BCL2: variants seen among roughly 807,000 people sequenced by gnomAD.
BCL2 encodes BCL2 apoptosis regulator, also known as apoptosis regulator Bcl-2.
In BCL2, 1 loss-of-function variant was observed where a neutral mutation model predicts 14.2. The ratio of observed to expected loss-of-function variants is 0.07; its 90% CI spans 0.02 to 0.33. BCL2 has a LOEUF of 0.33. BCL2 is among the 10% of genes least tolerant of loss of function. The pLI, the probability that BCL2 is intolerant of heterozygous loss-of-function variation, is 0.99. For synonymous variants in BCL2, 151 were observed against 137.2 expected (o/e 1.10, Z -0.70); for missense variants, 247 against 305.9 (o/e 0.81, Z 1.44).
intron 2 of BCL2, among the ~76,000 whole-genome samples, chr18:63,171,907 GGGGTTTGA>G (rs1568223674): frequency 6.6e-6 from 1 of 152,196 alleles, no homozygotes; most frequent in East Asian, 1.9e-4. Context: ...CTTGAGTCCA[GGGGTTTGA>G]GGCTGCAGTG....
At chr18:63,262,872 T>G (rs1911700795) in intron 2 of BCL2, among the ~76,000 whole-genome samples, 1 of 152,232 alleles carries the variant, frequency 6.6e-6, no homozygotes, top group South Asian at 2.1e-4. Flanking sequence ...TATTTAGGAC[T>G]TCTGTTCTCA....
chr18:63,206,280 T>A (rs1909834568), intron 2 of BCL2, among the ~76,000 whole-genome samples: 1 of 152,182 alleles, frequency 6.6e-6, no homozygotes, highest in African/African-American at 2.4e-5. Context: ...CCGTGGCCAA[T>A]ACCCAAGCGT....
chr18:63,130,747 T>C (rs1035114466), intron 2 of BCL2, among the ~76,000 whole-genome samples: 1 of 152,230 alleles, frequency 6.6e-6, no homozygotes, highest in Non-Finnish European at 1.5e-5. Context: ...AATATCATGA[T>C]ATATTTTTGT....
At chr18:63,235,463 G>C (rs1324787289) in intron 2 of BCL2, among the ~76,000 whole-genome samples, 1 of 152,170 alleles carries the variant, frequency 6.6e-6, no homozygotes, top group East Asian at 1.9e-4. Flanking sequence ...AGAGGTCCAT[G>C]TTTTGCAACG....
chr18:63,267,033 CAGA>C (rs747776559), intron 2 of BCL2, among the ~76,000 whole-genome samples: 2 of 152,138 alleles, frequency 1.3e-5, no homozygotes, highest in African/African-American at 2.4e-5. Flanking sequence ...GAGTGCTCCT[CAGA>C]AGGAGTGGCT....
At chr18:63,234,342 T>C (rs1910764591) in intron 2 of BCL2, among the ~76,000 whole-genome samples, 1 of 152,222 alleles carries the variant, frequency 6.6e-6, no homozygotes, top group Admixed American at 6.5e-5. Flanking sequence ...CATGCAGTAT[T>C]TGGTTTTCTG....
chr18:63,255,061 T>C (rs568163052), intron 2 of BCL2, among the ~76,000 whole-genome samples: 1 of 152,312 alleles, frequency 6.6e-6, no homozygotes, highest in South Asian at 2.1e-4. Flanking sequence ...TTGATTCCGA[T>C]GAAGGGCATT....
rs143946099 is a variant in BCL2, at chr18:63,183,516, G to A, written c.586-54757C>T. ...AGAGACAGCTGCAGATGGGGCCTCC[G>A]CGCTTGGCCATCAGCTCAGCTGTGC... On this transcript the variant is annotated intron_variant, in intron 2 of 2. Coordinates refer to ENST00000333681, the MANE Select transcript of BCL2 (RefSeq NM_000633.3). Among the ~76,000 whole-genome samples, 36 of 152,278 alleles carry A rather than the reference G, an allele frequency of 2.4e-4. 1 individual carries two copies. The East Asian group carries it at 6.2e-3, about 26-fold the overall frequency.
intron 2 of BCL2, among the ~76,000 whole-genome samples, chr18:63,191,417 C>T (rs984463069): frequency 2.2e-4 from 34 of 152,198 alleles, no homozygotes; most frequent in African/African-American, 7.7e-4. Context: ...ACTATAATAA[C>T]TTGGTCTTCT....
intron 2 of BCL2, among the ~76,000 whole-genome samples, chr18:63,246,838 A>G (rs1385874813): frequency 6.6e-6 from 1 of 152,234 alleles, no homozygotes; most frequent in African/African-American, 2.4e-5. Context: ...TGAAAGACTG[A>G]AGAAATGAAT....
chr18:63,220,272 G>A (rs1013831218), intron 2 of BCL2, among the ~76,000 whole-genome samples: 3 of 151,906 alleles, frequency 2.0e-5, no homozygotes, highest in East Asian at 2.0e-4. Context: ...TAAGTTGACC[G>A]TCTGTCCCAG....
chr18:63,311,655 G>A (rs1555710419), intron 2 of BCL2, among the ~76,000 whole-genome samples: 2 of 152,176 alleles, frequency 1.3e-5, no homozygotes, highest in Non-Finnish European at 2.9e-5. Context: ...TATCCCTGAA[G>A]TTGTGAAGGC....
chr18:63,293,668 TG>T lies in BCL2; in HGVS notation c.585+24413del, dbSNP rs571265631. ...TCACATATGGTGCTTGTTCTGGGGC[TG>T]GGGGGAGACAAGTACATATAGAAAT... On this transcript the variant is annotated intron_variant, in intron 2 of 2. Coordinates refer to ENST00000333681, the MANE Select transcript of BCL2 (RefSeq NM_000633.3). Among the ~76,000 whole-genome samples, 5 of 152,202 alleles carry T rather than the reference TG, an allele frequency of 3.3e-5. No homozygotes were observed. The South Asian group carries it at 8.3e-4, about 25-fold the overall frequency.
chr18:63,250,859 C>A (rs1378659859), intron 2 of BCL2, among the ~76,000 whole-genome samples: 1 of 152,140 alleles, frequency 6.6e-6, no homozygotes, highest in Non-Finnish European at 1.5e-5. Context: ...TATTGACATG[C>A]AAGGATTTTT....
chr18:63,260,956 C>T (rs1365287749), intron 2 of BCL2, among the ~76,000 whole-genome samples: 6 of 152,070 alleles, frequency 3.9e-5, no homozygotes, highest in African/African-American at 1.2e-4. Flanking sequence ...ATCACTTTTC[C>T]ACAAAGAATT....
chr18:63,192,946 C>T (rs1429503750), intron 2 of BCL2, among the ~76,000 whole-genome samples: 1 of 152,170 alleles, frequency 6.6e-6, no homozygotes, highest in Non-Finnish European at 1.5e-5. Context: ...CAAGGGTAAT[C>T]AATTCTACAG....
intron 2 of BCL2, among the ~76,000 whole-genome samples, chr18:63,181,275 G>T (rs756408702): frequency 6.6e-6 from 1 of 152,166 alleles, no homozygotes; most frequent in East Asian, 1.9e-4. Flanking sequence ...GCCCTGGCAC[G>T]CCTCGCATAC....
intron 2 of BCL2, among the ~76,000 whole-genome samples, chr18:63,221,519 G>A (rs942858606): frequency 6.6e-5 from 10 of 152,214 alleles, no homozygotes; most frequent in Non-Finnish European, 1.3e-4. Flanking sequence ...TTTATGTAAG[G>A]CTGACTACAC....
Position 63,212,549 on chromosome 18 carries a change from G to A in BCL2, c.586-83790C>T, listed in dbSNP as rs545436073. Reference sequence around the variant, plus strand: ...ACAAGCCACAGTGGGAACTCAGGGAGCTTAGGTCAGGATTCCAAGCTTTCT... The same window carrying A: ...ACAAGCCACAGTGGGAACTCAGGGAACTTAGGTCAGGATTCCAAGCTTTCT... On this transcript the variant is annotated intron_variant, in intron 2 of 2. Transcript: ENST00000333681. 3.3e-5 allele frequency among the ~76,000 whole-genome samples: 5 copies of A among 151,382 alleles called. No homozygotes were observed. The East Asian group carries it at 9.7e-4, about 29-fold the overall frequency.
Sources: gnomAD v4.1 joint callset for allele counts (sites outside exome capture counted in the v4.1 genomes callset) on GRCh38, gnomAD v4.1.1 for gene constraint, MANE v1.5 for transcripts, NCBI Gene and HGNC (gene_info 2026-07-23, HGNC 2026-07-21) for gene names.